The following PRDM5 variants were observed in gnomAD, a reference collection of about 807,000 sequenced individuals.
PRDM5 encodes the protein PR domain zinc finger protein 5.
PRDM5 carries 56 observed loss-of-function variants against 81.2 expected under a neutral mutation model. That is an observed-to-expected ratio of 0.69 (90% confidence interval 0.56 to 0.86). PRDM5 has a LOEUF of 0.86. Ranked by LOEUF, PRDM5 falls within the 40% of genes least tolerant of loss-of-function variation. The pLI is 0.00. For synonymous variants in PRDM5, 267 were observed against 256.4 expected (o/e 1.04, Z -0.39); for missense variants, 697 against 770.1 (o/e 0.91, Z 1.12).
At chr4:120,723,543 C>T (rs1158669649) in intron 14 of PRDM5, among the ~76,000 whole-genome samples, 1 of 151,734 alleles carries the variant, frequency 6.6e-6, no homozygotes, top group East Asian at 1.9e-4. Context: ...GTTATGCTCA[C>T]CATCTTAAAA....
chr4:120,823,398 G>A (rs941225082), intron 3 of PRDM5, among the ~76,000 whole-genome samples: 5 of 152,106 alleles, frequency 3.3e-5, no homozygotes, highest in Non-Finnish European at 7.4e-5. Context: ...CAGCTGCATG[G>A]TTTTTCTCTG....
At chr4:120,736,983 C>A (rs1741208468) in intron 14 of PRDM5, among the ~76,000 whole-genome samples, 1 of 152,032 alleles carries the variant, frequency 6.6e-6, no homozygotes, top group South Asian at 2.1e-4. Context: ...CATTTCCATC[C>A]CAGTATGCTG....
chr4:120,797,378 T>C (rs780956905), intron 10 of PRDM5, among the ~76,000 whole-genome samples: 1 of 152,166 alleles, frequency 6.6e-6, no homozygotes, highest in Non-Finnish European at 1.5e-5. Flanking sequence ...TTGGGATGAT[T>C]TGCCTTGTAG....
chr4:120,695,991 A>G (rs1401322310), intron 15 of PRDM5, among the ~76,000 whole-genome samples: 1 of 152,158 alleles, frequency 6.6e-6, no homozygotes, highest in East Asian at 1.9e-4. Context: ...TGGCTTGTAA[A>G]AATACTGTAA....
intron 3 of PRDM5, among the ~76,000 whole-genome samples, chr4:120,837,159 T>C (rs754856833): frequency 5.1e-4 from 78 of 152,268 alleles, no homozygotes; most frequent in South Asian, 1.2e-3. Flanking sequence ...CTGATTATTA[T>C]AAGGCTAGTG....
chr4:120,873,806 T>C (rs1762085589), intron 2 of PRDM5, among the ~76,000 whole-genome samples: 1 of 152,208 alleles, frequency 6.6e-6, no homozygotes, highest in East Asian at 1.9e-4. Flanking sequence ...CAAAAAATAA[T>C]AGAAAGTTTC....
chr4:120,801,084 A>T (rs1482824723), intron 8 of PRDM5, among the ~76,000 whole-genome samples: 2 of 152,202 alleles, frequency 1.3e-5, no homozygotes, highest in Non-Finnish European at 2.9e-5. Flanking sequence ...AGCATCACAC[A>T]ATGTTGTTGA....
At chr4:120,806,995 A>G (rs1753072283) in intron 8 of PRDM5, among the ~76,000 whole-genome samples, 1 of 152,138 alleles carries the variant, frequency 6.6e-6, no homozygotes, top group Admixed American at 6.5e-5. Context: ...ATTCAAACAA[A>G]GTTACAAGAA....
At chr4:120,838,395 TC>T (rs1757604398) in intron 3 of PRDM5, 1 of 152,210 alleles carries the variant, frequency 6.6e-6, no homozygotes, top group African/African-American at 2.4e-5. Flanking sequence ...AATCAGCATA[TC>T]CATCATCTCA....
At chr4:120,713,566 A>G (rs7664415) in intron 14 of PRDM5, among the ~76,000 whole-genome samples, 20,106 of 152,124 alleles carry the variant, frequency 0.13, 1,495 homozygotes, top group Middle Eastern at 0.22. Context: ...CCCTGGTACT[A>G]CTTTAAAAGT....
intron 3 of PRDM5, among the ~76,000 whole-genome samples, chr4:120,840,143 C>T (rs1050908120): frequency 7.2e-5 from 11 of 152,194 alleles, no homozygotes; most frequent in African/African-American, 2.7e-4. Context: ...TCCTGGCTCC[C>T]ACTGGCTCCA....
intron 3 of PRDM5, among the ~76,000 whole-genome samples, chr4:120,849,381 A>G (rs1000920049): frequency 1.3e-5 from 2 of 152,152 alleles, no homozygotes; most frequent in Middle Eastern, 3.2e-3. Context: ...CTGTGACAAA[A>G]TAACTGCTGG....
At chr4:120,785,220 G>A (rs1749610521) in intron 10 of PRDM5, 129 bp from the exon 11 acceptor site, 5 of 718,048 alleles carry the variant, frequency 7.0e-6, no homozygotes, top group Non-Finnish European at 1.2e-5. Context: ...TTCTTCTAGT[G>A]CCATTCTTCC....
At chr4:120,828,601 G>A (rs553104804) in intron 3 of PRDM5, among the ~76,000 whole-genome samples, 2 of 151,934 alleles carry the variant, frequency 1.3e-5, no homozygotes, top group Admixed American at 6.6e-5. Flanking sequence ...TGCATTTATG[G>A]GCTGAAGGGA....
intron 3 of PRDM5, among the ~76,000 whole-genome samples, chr4:120,850,513 A>G (rs1759136484): frequency 6.6e-6 from 1 of 152,182 alleles, no homozygotes; most frequent in Non-Finnish European, 1.5e-5. Flanking sequence ...GAGCTAACAA[A>G]GATCCCTATT....
chr4:120,722,587 G>A (rs1370640532), intron 14 of PRDM5, among the ~76,000 whole-genome samples: 1 of 152,106 alleles, frequency 6.6e-6, no homozygotes, highest in African/African-American at 2.4e-5. Flanking sequence ...CCCAGAGATT[G>A]TGATTTCATG....
intron 14 of PRDM5, among the ~76,000 whole-genome samples, chr4:120,753,770 C>G (rs886528900): frequency 4.0e-5 from 6 of 151,548 alleles, no homozygotes; most frequent in African/African-American, 1.5e-4. Context: ...TGAAAAGAAA[C>G]TGTGAAAGAT....
chr4:120,737,911 T>A (rs1258488455), intron 14 of PRDM5, among the ~76,000 whole-genome samples: 1 of 152,218 alleles, frequency 6.6e-6, no homozygotes, highest in Non-Finnish European at 1.5e-5. Flanking sequence ...TCTGACATAA[T>A]TTCACTTCAT....
intron 2 of PRDM5, among the ~76,000 whole-genome samples, chr4:120,887,492 A>C (rs1219321638): frequency 2.6e-5 from 4 of 152,158 alleles, no homozygotes; most frequent in Non-Finnish European, 5.9e-5. Context: ...AAATCTCATC[A>C]GTCTCCTGCT....
Sources: allele counts gnomAD v4.1 joint callset (sites outside exome capture counted in the v4.1 genomes callset), GRCh38; gene constraint gnomAD v4.1.1; transcripts MANE v1.5; gene names NCBI Gene and HGNC (gene_info 2026-07-23, HGNC 2026-07-21).